CSMD1: variants seen among roughly 807,000 people sequenced by gnomAD.
CSMD1 encodes CUB and Sushi multiple domains 1.
CSMD1 carries 213 observed loss-of-function variants against 417.5 expected under a neutral mutation model. The observed-to-expected ratio is 0.51, with a 90% CI of 0.46 to 0.57. CSMD1 has a LOEUF of 0.57. Among genes scored for constraint, CSMD1 ranks in the 20% least tolerant of loss-of-function variants. The probability of loss-of-function intolerance (pLI) is 0.00; values close to 1 mark genes in which losing one functional copy is unlikely to be tolerated. For missense variants in CSMD1, 6,923 were observed against 4,529.7 expected, an observed-to-expected ratio of 1.53 and a Z score of -15.17; for synonymous variants, 2,862 against 1,736.8, an observed-to-expected ratio of 1.65 and a Z score of -16.11.
chr8:3,349,697 T>A (rs947175993), intron 21 of CSMD1, among the ~76,000 whole-genome samples: 1 of 148,872 alleles, frequency 6.7e-6, no homozygotes, highest in Non-Finnish European at 1.5e-5. Context: ...GAAATTTATA[T>A]GTATATATAC....
At chr8:4,012,840 GAC>G (rs1202580259) in intron 4 of CSMD1, among the ~76,000 whole-genome samples, 3 of 152,236 alleles carry the variant, frequency 2.0e-5, no homozygotes, top group Non-Finnish European at 2.9e-5. Flanking sequence ...TGCACGAGAA[GAC>G]ACACGGTGCC....
chr8:3,648,439 A>T (rs2117364625), intron 7 of CSMD1, among the ~76,000 whole-genome samples: 2 of 152,336 alleles, frequency 1.3e-5, no homozygotes, highest in Admixed American at 1.3e-4. Context: ...TGAGATTTTA[A>T]TACTGGAGTA....
At chr8:4,707,502 G>A (rs890295994) in intron 1 of CSMD1, among the ~76,000 whole-genome samples, 6 of 152,186 alleles carry the variant, frequency 3.9e-5, no homozygotes, top group Non-Finnish European at 8.8e-5. Flanking sequence ...AGGGAAATCA[G>A]CGTAGGAGTC....
rs149530114 is a variant in CSMD1, at chr8:3,856,374, T to C, written c.819-102332A>G. 3.7e-3 allele frequency among the ~76,000 whole-genome samples: 560 copies of C among 152,274 alleles called. 3 individuals carry two copies. The highest frequency in any genetic ancestry group is 7.4e-3 in the African/African-American group (306 of 41,552). ...TACAGCCCGCAGAACCGTGAGCCAA[T>C]TAAACCTCTTTTCTTTATAAATTAC... On this transcript the variant is annotated intron_variant, in intron 5 of 69. Transcript: ENST00000635120.
intron 4 of CSMD1, among the ~76,000 whole-genome samples, chr8:4,018,514 A>G (rs914542012): frequency 6.6e-6 from 1 of 152,146 alleles, no homozygotes. Flanking sequence ...GCCAAAGCCC[A>G]GCAGCTTCCC....
chr8:4,047,544 C>CATT (rs10701274), intron 3 of CSMD1, among the ~76,000 whole-genome samples: 75,589 of 148,968 alleles, frequency 0.51, 20,179 homozygotes, highest in Non-Finnish European at 0.6. Context: ...TTCATTCATT[C>CATT]CACAAATATT....
intron 3 of CSMD1, among the ~76,000 whole-genome samples, chr8:4,077,723 A>G (rs1055653894): frequency 1.1e-4 from 16 of 152,020 alleles, no homozygotes; most frequent in Admixed American, 2.0e-4. Flanking sequence ...ACCATTCTCA[A>G]ATTTGCTCTT....
chr8:3,866,927 G>T (rs2129109175), intron 5 of CSMD1, among the ~76,000 whole-genome samples: 1 of 152,282 alleles, frequency 6.6e-6, no homozygotes, highest in East Asian at 1.9e-4. Flanking sequence ...CTGGACATAT[G>T]CATGTATGGA....
At chr8:4,510,390 T>TAAAACAAAAAAAAAAA (rs1802751001) in intron 2 of CSMD1, among the ~76,000 whole-genome samples, 1 of 54,618 alleles carries the variant, frequency 1.8e-5, no homozygotes, top group Non-Finnish European at 3.3e-5. Flanking sequence ...GCATAATGCC[T>TAAAACAAAAAAAAAAA]AAAAAAAAAA....
At chr8:4,923,010 C>T (rs1222102750) in intron 1 of CSMD1, among the ~76,000 whole-genome samples, 3 of 152,136 alleles carry the variant, frequency 2.0e-5, no homozygotes, top group Non-Finnish European at 4.4e-5. Flanking sequence ...CTAGCATCCA[C>T]CTCAGCTAGA....
chr8:4,335,958 C>G (rs906623831), intron 3 of CSMD1, among the ~76,000 whole-genome samples: 1 of 152,112 alleles, frequency 6.6e-6, no homozygotes, highest in African/African-American at 2.4e-5. Context: ...CAGGGAGGCT[C>G]TCACAGATAC....
chr8:3,971,417 T>A (rs1003409133), intron 5 of CSMD1, among the ~76,000 whole-genome samples: 6 of 152,156 alleles, frequency 3.9e-5, no homozygotes, highest in Non-Finnish European at 8.8e-5. Flanking sequence ...TTTTTCAATA[T>A]ATTTTTTGGC....
intron 6 of CSMD1, among the ~76,000 whole-genome samples, chr8:3,751,278 T>G (rs538031345): frequency 6.7e-6 from 1 of 149,356 alleles, no homozygotes; most frequent in Admixed American, 6.8e-5. Context: ...TTGACTCCTC[T>G]CTCCTTATAT....
At chr8:4,489,029 G>A (rs1325869355) in intron 2 of CSMD1, among the ~76,000 whole-genome samples, 1 of 152,154 alleles carries the variant, frequency 6.6e-6, no homozygotes, top group Non-Finnish European at 1.5e-5. Flanking sequence ...CCCTGTCTCA[G>A]CCTCCTGAGT....
intron 1 of CSMD1, among the ~76,000 whole-genome samples, chr8:4,764,384 A>C (rs1278326427): frequency 6.6e-6 from 1 of 152,162 alleles, no homozygotes. Flanking sequence ...GAGATTAATA[A>C]TTTTCTGGCA....
intron 3 of CSMD1, among the ~76,000 whole-genome samples, chr8:4,308,328 G>A (rs990328175): frequency 1.3e-5 from 2 of 151,908 alleles, no homozygotes; most frequent in Non-Finnish European, 2.9e-5. Context: ...GGTGTATCTG[G>A]TGTGTATCGT....
intron 12 of CSMD1, among the ~76,000 whole-genome samples, chr8:3,456,004 G>A (rs1816100422): frequency 1.3e-5 from 2 of 152,196 alleles, no homozygotes; most frequent in South Asian, 4.1e-4. Flanking sequence ...TCAAGCCTGG[G>A]CAATGGTGGG....
At chr8:3,171,787 A>C (rs1185031365) in intron 37 of CSMD1, among the ~76,000 whole-genome samples, 2 of 152,232 alleles carry the variant, frequency 1.3e-5, no homozygotes, top group Non-Finnish European at 2.9e-5. Context: ...CTCTCTATTG[A>C]AATACATGCT....
At chr8:4,243,841 C>T (rs112964098) in intron 3 of CSMD1, among the ~76,000 whole-genome samples, 38 of 152,092 alleles carry the variant, frequency 2.5e-4, no homozygotes, top group African/African-American at 8.7e-4. Context: ...TATAAGAAAA[C>T]AGAGTAGGGA....
Sources: gnomAD v4.1 joint callset for allele counts (sites outside exome capture counted in the v4.1 genomes callset) on GRCh38, gnomAD v4.1.1 for gene constraint, MANE v1.5 for transcripts, NCBI Gene and HGNC (gene_info 2026-07-23, HGNC 2026-07-21) for gene names.